BNC2: variants seen among roughly 807,000 people sequenced by gnomAD.
The protein encoded by BNC2 is basonuclin zinc finger protein 2, also known as zinc finger protein basonuclin-2.
In BNC2, 20 loss-of-function variants were observed where a neutral mutation model predicts 76.3. The ratio of observed to expected loss-of-function variants is 0.26; its 90% CI spans 0.18 to 0.38. The LOEUF (loss-of-function observed/expected upper bound fraction) is 0.38, where lower values mean the gene tolerates loss of function less well. Among genes scored for constraint, BNC2 ranks in the 10% least tolerant of loss-of-function variants. The pLI is 1.00. For synonymous variants in BNC2, 582 were observed against 514.8 expected (o/e 1.13, Z -1.77); for missense variants, 1,382 against 1,399.8 (o/e 0.99, Z 0.20).
intron 1 of BNC2, among the ~76,000 whole-genome samples, chr9:16,749,886 A>G (rs7853718): frequency 0.86 from 130,881 of 152,116 alleles, 56,705 homozygotes; most frequent in Non-Finnish European, 0.91. Flanking sequence ...TTCATCTAGG[A>G]ATGGTGAATG....
intron 3 of BNC2, among the ~76,000 whole-genome samples, chr9:16,599,523 C>G (rs1234435531): frequency 1.3e-5 from 2 of 152,218 alleles, no homozygotes; most frequent in African/African-American, 2.4e-5. Context: ...GTGGCTCACG[C>G]CTGTAATCCC....
intron 3 of BNC2, among the ~76,000 whole-genome samples, chr9:16,609,454 A>G (rs1275079773): frequency 6.6e-6 from 1 of 152,210 alleles, no homozygotes; most frequent in Non-Finnish European, 1.5e-5. Flanking sequence ...GAGCTGCTCC[A>G]GGACAACAAA....
chr9:16,620,453 A>C (rs1251055174), intron 3 of BNC2, among the ~76,000 whole-genome samples: 1 of 152,190 alleles, frequency 6.6e-6, no homozygotes, highest in Non-Finnish European at 1.5e-5. Flanking sequence ...GTGCCCCTTC[A>C]CTACCAGACT....
At chr9:16,478,070 C>T (rs891584003) in intron 5 of BNC2, among the ~76,000 whole-genome samples, 1 of 152,192 alleles carries the variant, frequency 6.6e-6, no homozygotes, top group African/African-American at 2.4e-5. Flanking sequence ...TCATCACAGT[C>T]TGAGGTAGTT....
intron 5 of BNC2, among the ~76,000 whole-genome samples, chr9:16,506,513 C>CTTTTTTTTTTTTTTTTTTTTTTTTTT (rs568955982): frequency 4.6e-5 from 2 of 43,314 alleles, no homozygotes; most frequent in African/African-American, 8.1e-5. Flanking sequence ...TCTCTCTCCT[C>CTTTTTTTTTTTTTTTTTTTTTTTTTT]TTTTTTTTTT....
chr9:16,739,774 C>A (rs575559349), intron 1 of BNC2, among the ~76,000 whole-genome samples: 2 of 151,918 alleles, frequency 1.3e-5, no homozygotes, highest in East Asian at 1.9e-4. Context: ...TCAAGGGGAC[C>A]AGAATGACTG....
At chr9:16,771,925 C>T (rs534868936) in intron 1 of BNC2, among the ~76,000 whole-genome samples, 1 of 152,198 alleles carries the variant, frequency 6.6e-6, no homozygotes, top group South Asian at 2.1e-4. Flanking sequence ...CTTTACAGTT[C>T]ATGGTGGGGG....
At chr9:16,847,370 G>A (rs115746862) in intron 1 of BNC2, among the ~76,000 whole-genome samples, 464 of 123,736 alleles carry the variant, frequency 3.7e-3, no homozygotes, top group African/African-American at 0.013. Flanking sequence ...ATTTTGATTT[G>A]TTTAAACATC....
chr9:16,576,871 G>A (rs1027646940), intron 4 of BNC2, among the ~76,000 whole-genome samples: 3 of 152,102 alleles, frequency 2.0e-5, no homozygotes, highest in Non-Finnish European at 2.9e-5. Context: ...CCGAGTAGCT[G>A]GGATTACAGG....
At chr9:16,627,744 G>T (rs1359486355) in intron 3 of BNC2, among the ~76,000 whole-genome samples, 2 of 152,144 alleles carry the variant, frequency 1.3e-5, no homozygotes, top group Non-Finnish European at 2.9e-5. Flanking sequence ...GTTCACTCCA[G>T]TTAAAGTTCT....
At chr9:16,728,340 A>C (rs1824411038) in intron 2 of BNC2, 1 of 396,196 alleles carries the variant, frequency 2.5e-6, no homozygotes, top group Non-Finnish European at 4.8e-6. Context: ...ACCAAATGAC[A>C]CCCTGCACTA....
At chr9:16,857,480 T>TAA (rs60082380) in intron 1 of BNC2, among the ~76,000 whole-genome samples, 4,949 of 75,386 alleles carry the variant, frequency 0.066, no homozygotes, top group Non-Finnish European at 0.091. Flanking sequence ...CTGTCTCAAA[T>TAA]AAAAAAAAAA....
At chr9:16,510,046 G>C (rs1822717351) in intron 5 of BNC2, among the ~76,000 whole-genome samples, 1 of 152,184 alleles carries the variant, frequency 6.6e-6, no homozygotes, top group Non-Finnish European at 1.5e-5. Context: ...TTGTATCTCA[G>C]ATGTTGGAGA....
chr9:16,484,859 G>A (rs1196029270), intron 5 of BNC2, among the ~76,000 whole-genome samples: 1 of 152,184 alleles, frequency 6.6e-6, no homozygotes, highest in Non-Finnish European at 1.5e-5. Flanking sequence ...CAGAGGGGAA[G>A]ACCAATGACA....
At chr9:16,625,117 A>T (rs1587247686) in intron 3 of BNC2, among the ~76,000 whole-genome samples, 1 of 152,232 alleles carries the variant, frequency 6.6e-6, no homozygotes, top group East Asian at 1.9e-4. Flanking sequence ...TGCTTTTCAG[A>T]GAATTATTTG....
At chr9:16,517,677 T>G (rs750883664) in intron 5 of BNC2, among the ~76,000 whole-genome samples, 3 of 152,230 alleles carry the variant, frequency 2.0e-5, no homozygotes, top group Non-Finnish European at 4.4e-5. Flanking sequence ...TTCATTAGTT[T>G]ACTTCCTTCC....
chr9:16,772,309 A>G (rs1825852578), intron 1 of BNC2, among the ~76,000 whole-genome samples: 1 of 152,160 alleles, frequency 6.6e-6, no homozygotes, highest in South Asian at 2.1e-4. Flanking sequence ...TACAGGGGCA[A>G]GTGAATTATT....
intron 4 of BNC2, among the ~76,000 whole-genome samples, chr9:16,562,355 C>A (rs752811467): frequency 1.3e-5 from 2 of 152,158 alleles, no homozygotes; most frequent in African/African-American, 2.4e-5. Flanking sequence ...GGAAGAAAAG[C>A]CCCTAAGCAA....
chr9:16,844,956 G>C (rs756450133), intron 1 of BNC2, among the ~76,000 whole-genome samples: 8 of 152,158 alleles, frequency 5.3e-5, no homozygotes, highest in Admixed American at 1.3e-4. Flanking sequence ...CCCCAGTTGA[G>C]TCATTTGTGA....
Sources: gnomAD v4.1 joint callset for allele counts (sites outside exome capture counted in the v4.1 genomes callset) on GRCh38, gnomAD v4.1.1 for gene constraint, MANE v1.5 for transcripts, NCBI Gene and HGNC (gene_info 2026-07-23, HGNC 2026-07-21) for gene names.